CUL1: variants seen among roughly 807,000 people sequenced by gnomAD.
CUL1 encodes cullin 1, also known as cullin-1.
A neutral mutation model predicts 118.0 loss-of-function variants in CUL1; 24 were observed. The ratio of observed to expected loss-of-function variants is 0.20; its 90% CI spans 0.15 to 0.29. CUL1 has a LOEUF of 0.29. Among genes scored for constraint, CUL1 ranks in the 10% least tolerant of loss-of-function variants. CUL1 has a pLI of 1.00. For synonymous variants in CUL1, 332 were observed against 340.4 expected (o/e 0.98, Z 0.27); for missense variants, 361 against 933.8 (o/e 0.39, Z 7.99).
intron 1 of CUL1, among the ~76,000 whole-genome samples, chr7:148,719,173 C>T (rs1378671648): frequency 1.3e-5 from 2 of 151,930 alleles, no homozygotes; most frequent in African/African-American, 2.4e-5. Flanking sequence ...TAGCCAGGCG[C>T]GGTGGCGGGC....
intron 16 of CUL1, 133 bp downstream of exon 16, chr7:148,790,574 C>A: frequency 1.3e-6 from 1 of 758,730 alleles, no homozygotes; most frequent in Non-Finnish European, 2.1e-6. Flanking sequence ...AGGTTTAAAG[C>A]ATGGAGTTGT....
At chr7:148,703,543 T>G (rs925964071) in intron 1 of CUL1, among the ~76,000 whole-genome samples, 1 of 123,958 alleles carries the variant, frequency 8.1e-6, no homozygotes, top group Non-Finnish European at 1.7e-5. Context: ...TTGTTTTTTG[T>G]TTTTTTTGAG....
chr7:148,712,836 G>T (rs1046298244), intron 1 of CUL1, among the ~76,000 whole-genome samples: 3 of 152,120 alleles, frequency 2.0e-5, no homozygotes, highest in Non-Finnish European at 2.9e-5. Flanking sequence ...GACATCCCAC[G>T]CATTTCCATA....
intron 17 of CUL1, among the ~76,000 whole-genome samples, chr7:148,797,610 C>G (rs1444018654): frequency 6.6e-6 from 1 of 150,930 alleles, no homozygotes; most frequent in Non-Finnish European, 1.5e-5. Context: ...GATTTCACTT[C>G]TAGAAGTCAG....
intron 1 of CUL1, among the ~76,000 whole-genome samples, chr7:148,725,219 G>GCGCGCGCGCGCA: frequency 7.1e-6 from 1 of 140,058 alleles, no homozygotes; most frequent in South Asian, 2.4e-4. Context: ...ACACGCGCGC[G>GCGCGCGCGCGCA]CTCACACACA....
intron 7 of CUL1, among the ~76,000 whole-genome samples, chr7:148,761,241 C>G (rs1316892983): frequency 6.6e-6 from 1 of 152,138 alleles, no homozygotes; most frequent in Non-Finnish European, 1.5e-5. Flanking sequence ...GGCGTGGTGG[C>G]TCATGCCTGT....
chr7:148,728,559 G>A (rs1246900071), intron 1 of CUL1, among the ~76,000 whole-genome samples: 2 of 152,156 alleles, frequency 1.3e-5, no homozygotes, highest in African/African-American at 4.8e-5. Context: ...ACTACACATA[G>A]GAAACATTTC....
Position 148,730,170 on chromosome 7 carries a change from C to G in CUL1, c.48C>G (p.Gly16=). Residue 16 remains glycine (G), a synonymous_variant, in exon 2 of 22, where the codon GGC becomes GGG. Transcript: ENST00000325222. The stretch of plus-strand genomic sequence containing the variant: ...ACCCCCACGGCCTGAAGCAGATTGG[C>G]CTGGACCAGATCTGGGACGACCTCA... ...SQNPHGLKQI[G]LDQIWDDLRA... The G allele has an allele frequency of 2.5e-6, 4 of 1,614,128 alleles. No individual in the cohort carries two copies. The highest frequency in any genetic ancestry group is 1.7e-5 in the Admixed American group (1 of 60,014).
chr7:148,787,915 C>T lies in CUL1; in HGVS notation c.1480-642C>T, dbSNP rs914158116. ...CAAATTATGTAGGTATCTTTGTCAG[C>T]GTGGGCTGCCATGACGGAATACCAT... On this transcript the variant is annotated intron_variant, in intron 13 of 21. Coordinates refer to ENST00000325222, the MANE Select transcript of CUL1 (RefSeq NM_003592.3). The surrounding 1 kb of genome is among the most constrained non-coding windows in gnomAD (Gnocchi z 5.5). Among the ~76,000 whole-genome samples, 3 of 152,170 alleles carry T rather than the reference C, an allele frequency of 2.0e-5. No individual in the cohort carries two copies. The highest frequency in any genetic ancestry group is 6.5e-5 in the Admixed American group (1 of 15,278).
chr7:148,741,467 A>G (rs1454102086), intron 2 of CUL1, among the ~76,000 whole-genome samples: 1 of 152,152 alleles, frequency 6.6e-6, no homozygotes, highest in Non-Finnish European at 1.5e-5. Flanking sequence ...TTTGAGACAG[A>G]GTCTTGCTGT....
chr7:148,799,243 A>G, intron 20 of CUL1, 32 bp from the exon 21 acceptor site: 1 of 1,534,974 alleles, frequency 6.5e-7, no homozygotes, highest in South Asian at 1.1e-5. Context: ...ACAGCTCTAA[A>G]TGCACTTCTT....
rs117504153 is a variant in CUL1, at chr7:148,717,805, A to T, written c.-161-12157A>T. Among the ~76,000 whole-genome samples, 14 of 152,006 alleles carry T rather than the reference A, an allele frequency of 9.2e-5. No homozygotes were observed. The East Asian group carries it at 2.7e-3, about 29-fold the overall frequency. On this transcript the variant is annotated intron_variant, in intron 1 of 21. Coordinates refer to ENST00000325222, the MANE Select transcript of CUL1 (RefSeq NM_003592.3). ...CCTCTGAGAAACGCTCAAAGCACAC[A>T]TTCTGTAAAGGCTTCCTGATCTTGT...
intron 2 of CUL1, among the ~76,000 whole-genome samples, chr7:148,753,339 C>T (rs932783484): frequency 1.3e-5 from 2 of 152,180 alleles, no homozygotes; most frequent in African/African-American, 4.8e-5. Context: ...TTCTGCCCTG[C>T]CTGGCCCCAT....
chr7:148,738,497 T>C (rs1799035669), intron 2 of CUL1, among the ~76,000 whole-genome samples: 2 of 152,182 alleles, frequency 1.3e-5, no homozygotes, highest in African/African-American at 2.4e-5. Context: ...CATAAACCCC[T>C]GTACCACCTT....
rs374831027 is a variant in CUL1 at position 148,783,721 on chromosome 7, C to A, written c.1084-62C>A. ...TGTATGCTAGTACATGCATTGTATA[C>A]CTTAATACACAATTTAATCCCCAAT... On this transcript the variant is annotated intron_variant, in intron 9 of 21. Coordinates refer to ENST00000325222, the MANE Select transcript of CUL1 (RefSeq NM_003592.3). The A allele has an allele frequency of 1.8e-5, 29 of 1,582,730 alleles. No individual in the cohort carries two copies. The African/African-American group carries it at 3.6e-4, about 20-fold the overall frequency.
At chr7:148,766,518 T>TGTA in intron 7 of CUL1, 43 bp from the exon 8 acceptor site, 3 of 1,527,174 alleles carry the variant, frequency 2.0e-6, no homozygotes, top group Non-Finnish European at 2.6e-6. Flanking sequence ...AACAGTTCTT[T>TGTA]ACCAATGAAT....
chr7:148,785,030 A>G (rs933739110), intron 11 of CUL1, among the ~76,000 whole-genome samples: 2 of 152,262 alleles, frequency 1.3e-5, no homozygotes, highest in African/African-American at 4.8e-5. Context: ...CTACATTAAC[A>G]GAGAACCATG....
chr7:148,712,513 T>A (rs1208062256), intron 1 of CUL1, among the ~76,000 whole-genome samples: 1 of 152,214 alleles, frequency 6.6e-6, no homozygotes, highest in African/African-American at 2.4e-5. Context: ...TCAGGTAACG[T>A]TAATTTACTT....
At chr7:148,719,375 A>AT (rs1013310197) in intron 1 of CUL1, among the ~76,000 whole-genome samples, 10 of 152,126 alleles carry the variant, frequency 6.6e-5, no homozygotes, top group African/African-American at 2.2e-4. Flanking sequence ...GTTAGTTGAA[A>AT]TTTTTTTATG....
Sources: allele counts gnomAD v4.1 joint callset (sites outside exome capture counted in the v4.1 genomes callset), GRCh38; gene constraint gnomAD v4.1.1; non-coding constraint Gnocchi (gnomAD v3.1); transcripts MANE v1.5; gene names NCBI Gene and HGNC (gene_info 2026-07-23, HGNC 2026-07-21).